Variants in XKR4 observed in about 807,000 individuals in gnomAD.
XKR4 encodes the protein XK-related protein 4.
A neutral mutation model predicts 53.9 loss-of-function variants in XKR4; 12 were observed. The observed-to-expected ratio is 0.22, with a 90% CI of 0.14 to 0.36. The LOEUF (loss-of-function observed/expected upper bound fraction) is 0.36. Ranked by LOEUF, XKR4 falls within the 10% of genes least tolerant of loss-of-function variation. The pLI, the probability that XKR4 is intolerant of heterozygous loss-of-function variation, is 1.00. For missense variants in XKR4, 799 were observed against 859.5 expected (o/e 0.93, Z 0.88); for synonymous variants, 354 against 362.4 (o/e 0.98, Z 0.26).
At chr8:55,466,536 A>T (rs1644941737) in intron 2 of XKR4, among the ~76,000 whole-genome samples, 1 of 152,036 alleles carries the variant, frequency 6.6e-6, no homozygotes, top group South Asian at 2.1e-4. Flanking sequence ...CCTAATGCTA[A>T]ATGACAAGTT....
At chr8:55,452,428 G>T in intron 2 of XKR4, 1 of 627,484 alleles carries the variant, frequency 1.6e-6, no homozygotes. Flanking sequence ...AGCAGTGCTG[G>T]CCACCCCGCA....
chr8:55,210,696 G>A (rs935344975), intron 1 of XKR4, among the ~76,000 whole-genome samples: 2 of 152,220 alleles, frequency 1.3e-5, no homozygotes, highest in African/African-American at 4.8e-5. Context: ...CACACAGGGT[G>A]AGGTTTAGAG....
intron 1 of XKR4, among the ~76,000 whole-genome samples, chr8:55,280,409 G>A (rs1230850131): frequency 1.3e-5 from 2 of 152,186 alleles, no homozygotes; most frequent in South Asian, 2.1e-4. Flanking sequence ...ACACAAAAGT[G>A]TAGTAGCAAA....
intron 2 of XKR4, among the ~76,000 whole-genome samples, chr8:55,508,427 C>G (rs887550663): frequency 1.2e-4 from 19 of 152,154 alleles, no homozygotes; most frequent in African/African-American, 4.6e-4. Context: ...TTTTCTGTTT[C>G]TGGAAGTGCA....
intron 2 of XKR4, among the ~76,000 whole-genome samples, chr8:55,380,198 GAGAA>G (rs199720516): frequency 0.027 from 4,168 of 152,256 alleles, 165 homozygotes; most frequent in African/African-American, 0.094. Flanking sequence ...TAGCATCCTT[GAGAA>G]ATCATAGGTT....
chr8:55,393,774 C>A (rs934704831), intron 2 of XKR4, among the ~76,000 whole-genome samples: 2 of 152,168 alleles, frequency 1.3e-5, no homozygotes, highest in Non-Finnish European at 2.9e-5. Context: ...AATAAACAAA[C>A]GTCCCTTTTA....
chr8:55,293,267 A>G (rs1333742953), intron 1 of XKR4, among the ~76,000 whole-genome samples: 4 of 152,126 alleles, frequency 2.6e-5, no homozygotes. Context: ...CCCAAGAGGC[A>G]AAGGTTGCAG....
intron 2 of XKR4, among the ~76,000 whole-genome samples, chr8:55,376,152 C>T (rs542416817): frequency 1.7e-4 from 26 of 152,180 alleles, no homozygotes; most frequent in African/African-American, 6.0e-4. Flanking sequence ...GGGTTGATTC[C>T]ATGTCTTTGC....
intron 1 of XKR4, among the ~76,000 whole-genome samples, chr8:55,233,170 C>T (rs1168874956): frequency 6.6e-6 from 1 of 152,188 alleles, no homozygotes; most frequent in East Asian, 1.9e-4. Flanking sequence ...AGAGCTGCCT[C>T]ACAGAAATCC....
At chr8:55,235,358 A>C (rs1339340901) in intron 1 of XKR4, among the ~76,000 whole-genome samples, 1 of 152,190 alleles carries the variant, frequency 6.6e-6, no homozygotes, top group Non-Finnish European at 1.5e-5. Context: ...GGTGGACATG[A>C]ATTTTGAGAG....
intron 1 of XKR4, among the ~76,000 whole-genome samples, chr8:55,107,461 G>A (rs757475188): frequency 2.0e-5 from 3 of 152,138 alleles, no homozygotes; most frequent in Non-Finnish European, 4.4e-5. Flanking sequence ...AGTTTAGATG[G>A]ATTAGGGGAT....
chr8:55,332,716 T>C (rs1331588801), intron 1 of XKR4, among the ~76,000 whole-genome samples: 5 of 152,132 alleles, frequency 3.3e-5, no homozygotes, highest in Admixed American at 3.3e-4. Context: ...AAGTTTATCA[T>C]AGTTGGAGTT....
At chr8:55,142,111 T>C in intron 1 of XKR4, 1 of 456,028 alleles carries the variant, frequency 2.2e-6, no homozygotes, top group Non-Finnish European at 4.4e-6. Flanking sequence ...TTAACTATTC[T>C]CTCCTCCCTA....
chr8:55,500,194 A>C (rs1806415781), intron 2 of XKR4, among the ~76,000 whole-genome samples: 1 of 150,824 alleles, frequency 6.6e-6, no homozygotes, highest in Non-Finnish European at 1.5e-5. Flanking sequence ...AAAAAAAAAA[A>C]AAAAAAAAAA....
chr8:55,164,798 AC>A, intron 1 of XKR4: 1 of 195,680 alleles, frequency 5.1e-6, no homozygotes, highest in Non-Finnish European at 1.1e-5. Context: ...ATACACACAC[AC>A]ACACACACAC....
chr8:55,166,245 G>A (rs1332544255), intron 1 of XKR4, among the ~76,000 whole-genome samples: 1 of 152,124 alleles, frequency 6.6e-6, no homozygotes, highest in African/African-American at 2.4e-5. Flanking sequence ...CTTTTCTTTT[G>A]CCATGATGCA....
chr8:55,196,069 C>T (rs1817500933), intron 1 of XKR4, among the ~76,000 whole-genome samples: 1 of 152,086 alleles, frequency 6.6e-6, no homozygotes, highest in Admixed American at 6.6e-5. Context: ...TGTCCTCATG[C>T]TGCAGGTCAG....
At chr8:55,164,070 C>T (rs1358281876) in intron 1 of XKR4, 2 of 389,944 alleles carry the variant, frequency 5.1e-6, no homozygotes, top group Non-Finnish European at 1.0e-5. Flanking sequence ...GGCTCCTTTG[C>T]CCTTATCTGT....
rs902110185 is a variant in XKR4 at position 55,185,075 on chromosome 8, G to A, written c.806+81781G>A. 9.2e-5 allele frequency among the ~76,000 whole-genome samples: 14 copies of A among 152,234 alleles called. 1 individual carries two copies. Among genetic ancestry groups the A allele is most frequent in the Admixed American group, 8.5e-4 (13 of 15,284 alleles). On this transcript the variant is annotated intron_variant, in intron 1 of 2. Coordinates refer to ENST00000327381, the MANE Select transcript of XKR4 (RefSeq NM_052898.2). Reference sequence around the variant, plus strand: ...TGCACACAGCCAAACAATAGTTTCTGCACATAAACTGATCTGAGCCATTGT... The same window carrying A: ...TGCACACAGCCAAACAATAGTTTCTACACATAAACTGATCTGAGCCATTGT...
Sources: allele counts gnomAD v4.1 joint callset (sites outside exome capture counted in the v4.1 genomes callset), GRCh38; gene constraint gnomAD v4.1.1; transcripts MANE v1.5; gene names NCBI Gene and HGNC (gene_info 2026-07-23, HGNC 2026-07-21).